LRRK2: variants seen among roughly 807,000 people sequenced by gnomAD.
The protein encoded by LRRK2 is leucine-rich repeat serine/threonine-protein kinase 2.
LRRK2 carries 203 observed loss-of-function variants against 302.6 expected under a neutral mutation model. The observed-to-expected ratio is 0.67, with a 90% CI of 0.60 to 0.75. The LOEUF is 0.75. Ranked by LOEUF, LRRK2 falls within the 30% of genes least tolerant of loss-of-function variation. The pLI is 0.00. For missense variants in LRRK2, 2,830 were observed against 2,951.0 expected (o/e 0.96, Z 0.95); for synonymous variants, 1,066 against 1,031.9 (o/e 1.03, Z -0.63).
At chr12:40,329,959 C>G (rs1945667008) in intron 39 of LRRK2, among the ~76,000 whole-genome samples, 1 of 152,172 alleles carries the variant, frequency 6.6e-6, no homozygotes, top group Admixed American at 6.5e-5. Context: ...TTTCTAAGTT[C>G]TTAATCATAC....
intron 33 of LRRK2, among the ~76,000 whole-genome samples, chr12:40,319,074 A>G (rs1592281947): frequency 6.6e-6 from 1 of 152,256 alleles, no homozygotes; most frequent in South Asian, 2.1e-4. Flanking sequence ...CTGTTTAAGT[A>G]TTCCTTAAAC....
rs568056716 is a variant in LRRK2, at chr12:40,287,564, T to A, written c.2689+25T>A. The A allele has an allele frequency of 4.4e-6, 7 of 1,604,518 alleles. No individual in the cohort carries two copies. The Admixed American group carries it at 8.4e-5, about 19-fold the overall frequency. ...GGTATTTATTATAAAAAAAAACCCTTTATGCTTTATATTTACACACTGACA... is the reference window on the plus strand; with the variant it reads ...GGTATTTATTATAAAAAAAAACCCTATATGCTTTATATTTACACACTGACA... On this transcript the variant is annotated intron_variant, in intron 20 of 50. Coordinates refer to ENST00000298910, the MANE Select transcript of LRRK2 (RefSeq NM_198578.4).
rs570154539 is a variant in LRRK2, at chr12:40,268,513, G to A, written c.1656+4612G>A. Among the ~76,000 whole-genome samples the A allele has an allele frequency of 1.2e-4, 19 of 152,232 alleles. No individual in the cohort carries two copies. The South Asian group carries it at 3.9e-3, about 32-fold the overall frequency. On this transcript the variant is annotated intron_variant, in intron 14 of 50. Transcript: ENST00000298910. ...AAACTATGAAGCTTAGGGGTAGAGA[G>A]GAGTAGTTGAATATATGAAAAGATA... is the stretch of plus-strand genomic sequence containing the variant.
chr12:40,331,484 G>A (rs1945709838), intron 39 of LRRK2, among the ~76,000 whole-genome samples: 1 of 152,078 alleles, frequency 6.6e-6, no homozygotes, highest in South Asian at 2.1e-4. Context: ...AGAGTATCTA[G>A]ATCAGGGTGT....
At chr12:40,295,767 C>A in intron 23 of LRRK2, 123 bp downstream of exon 23, 1 of 902,042 alleles carries the variant, frequency 1.1e-6, no homozygotes, top group South Asian at 1.6e-5. Flanking sequence ...TGATAAGTCC[C>A]CCGTGCCTCT....
chr12:40,270,420 A>G (rs1943182947), intron 14 of LRRK2, among the ~76,000 whole-genome samples: 1 of 151,898 alleles, frequency 6.6e-6, no homozygotes, highest in Non-Finnish European at 1.5e-5. Flanking sequence ...CTCATCTTTT[A>G]GTTGTCTGAA....
At chr12:40,231,576 C>CAA (rs71078231) in intron 2 of LRRK2, among the ~76,000 whole-genome samples, 140 of 105,828 alleles carry the variant, frequency 1.3e-3, no homozygotes, top group Middle Eastern at 5.7e-3. Flanking sequence ...AAAACAAAAC[C>CAA]AAAAAAAAAA....
intron 18 of LRRK2, 118 bp from the exon 19 acceptor site, chr12:40,283,757 T>G (rs1943801892): frequency 1.2e-6 from 1 of 845,858 alleles, no homozygotes; most frequent in Non-Finnish European, 1.8e-6. Flanking sequence ...CCTTATTTTA[T>G]TTTGTTTCAT....
intron 34 of LRRK2, among the ~76,000 whole-genome samples, chr12:40,320,474 T>C (rs1945369382): frequency 6.6e-6 from 1 of 152,086 alleles, no homozygotes; most frequent in African/African-American, 2.4e-5. Context: ...TGTGTTTGTG[T>C]ATGTGTGTGT....
Position 40,314,026 on chromosome 12 carries a change from G to GA in LRRK2, c.4597dup (p.Ile1533AsnfsTer7). 6.2e-7 allele frequency: 1 copy of GA among 1,612,338 alleles called. No homozygotes were observed. Among genetic ancestry groups the GA allele is most frequent in the Non-Finnish European group, 8.5e-7 (1 of 1,178,892 alleles). ...GATTCCAGACTGCTATGTAGAACTT[G>GA]AAAAAATCATTTTATCGGAGCGTAA... On this transcript the variant is annotated frameshift_variant, in exon 32 of 51. Coordinates refer to ENST00000298910, the MANE Select transcript of LRRK2 (RefSeq NM_198578.4). LOFTEE classifies it high-confidence loss of function.
intron 19 of LRRK2, among the ~76,000 whole-genome samples, chr12:40,285,670 A>G (rs1018341040): frequency 2.6e-5 from 4 of 152,068 alleles, no homozygotes; most frequent in African/African-American, 4.8e-5. Context: ...AAAGAGTAGG[A>G]AAAAAACCTA....
intron 25 of LRRK2, among the ~76,000 whole-genome samples, chr12:40,299,918 ATAGTC>A (rs1196514018): frequency 6.6e-6 from 1 of 152,176 alleles, no homozygotes; most frequent in Non-Finnish European, 1.5e-5. Flanking sequence ...TGCCCTAAAA[ATAGTC>A]TATAATTTAA....
chr12:40,254,936 G>A (rs148409409), intron 11 of LRRK2, among the ~76,000 whole-genome samples: 2 of 152,250 alleles, frequency 1.3e-5, no homozygotes, highest in East Asian at 3.9e-4. Flanking sequence ...AGACACTTGG[G>A]TGTCTTTGGG....
intron 25 of LRRK2, chr12:40,300,955 T>C (rs1944601909): frequency 2.1e-6 from 1 of 470,730 alleles, no homozygotes; most frequent in Non-Finnish European, 4.4e-6. Context: ...GGTCAGTGTG[T>C]CATCTCAGCT....
chr12:40,275,034 A>G, intron 16 of LRRK2, 41 bp downstream of exon 16: 1 of 1,612,018 alleles, frequency 6.2e-7, no homozygotes, highest in South Asian at 1.1e-5. Context: ...AACTTGTGCG[A>G]ATTTCACTTT....
intron 13 of LRRK2, among the ~76,000 whole-genome samples, chr12:40,261,206 A>AAAAAC (rs548786711): frequency 1.0e-3 from 153 of 152,308 alleles, no homozygotes; most frequent in African/African-American, 3.5e-3. Flanking sequence ...GATTGTAATT[A>AAAAAC]AAAACAATAA....
chr12:40,316,107 A>C (rs1053858319), intron 33 of LRRK2, among the ~76,000 whole-genome samples: 4 of 152,052 alleles, frequency 2.6e-5, no homozygotes, highest in African/African-American at 9.7e-5. Flanking sequence ...GTTGAGAAAC[A>C]TTAAGCTACT....
intron 16 of LRRK2, among the ~76,000 whole-genome samples, chr12:40,276,188 C>G (rs886160960): frequency 6.6e-6 from 1 of 152,152 alleles, no homozygotes; most frequent in Non-Finnish European, 1.5e-5. Context: ...CGGTATGGAA[C>G]TCTCAGTTAC....
chr12:40,282,154 C>A (rs935841060), intron 18 of LRRK2, among the ~76,000 whole-genome samples: 14 of 128,896 alleles, frequency 1.1e-4, no homozygotes, highest in South Asian at 5.9e-4. Flanking sequence ...CTTCTCCTTT[C>A]TCTTCCCCTT....
Sources: allele counts gnomAD v4.1 joint callset (sites outside exome capture counted in the v4.1 genomes callset), GRCh38; gene constraint gnomAD v4.1.1; transcripts MANE v1.5; gene names NCBI Gene and HGNC (gene_info 2026-07-23, HGNC 2026-07-21).